MBD5: variants seen among roughly 807,000 people sequenced by gnomAD.
MBD5 encodes methyl-CpG-binding domain protein 5.
A neutral mutation model predicts 117.3 loss-of-function variants in MBD5; 13 were observed. The ratio of observed to expected loss-of-function variants is 0.11; its 90% confidence interval spans 0.07 to 0.18. The LOEUF (loss-of-function observed/expected upper bound fraction) is 0.18, where lower values mean the gene tolerates loss of function less well. Among genes scored for constraint, MBD5 ranks in the 10% least tolerant of loss-of-function variants. MBD5 has a pLI of 1.00. For missense variants in MBD5, 1,879 were observed against 2,093.8 expected, an observed-to-expected ratio of 0.90 and a Z score of 2.00; for synonymous variants, 727 against 766.4, an observed-to-expected ratio of 0.95 and a Z score of 0.85.
chr2:148,473,632 T>A (rs1173997862), intron 8 of MBD5, among the ~76,000 whole-genome samples: 1 of 152,156 alleles, frequency 6.6e-6, no homozygotes, highest in East Asian at 1.9e-4. Flanking sequence ...TTAAGGAGAG[T>A]CTTCCTATGC....
intron 11 of MBD5, among the ~76,000 whole-genome samples, chr2:148,499,466 G>T (rs907039281): frequency 6.6e-6 from 1 of 152,186 alleles, no homozygotes; most frequent in Non-Finnish European, 1.5e-5. Flanking sequence ...GAAACTGTGT[G>T]GGTAGATGAT....
chr2:148,105,450 CT>C (rs1444762310), intron 1 of MBD5, among the ~76,000 whole-genome samples: 1 of 152,042 alleles, frequency 6.6e-6, no homozygotes, highest in African/African-American at 2.4e-5. Flanking sequence ...AACTCCTGAC[CT>C]CAAGTAATCT....
chr2:148,345,762 A>T (rs1342278880), intron 4 of MBD5, among the ~76,000 whole-genome samples: 1 of 151,388 alleles, frequency 6.6e-6, no homozygotes, highest in Non-Finnish European at 1.5e-5. Flanking sequence ...ACAAGGTCCC[A>T]CAGTAGGCTG....
At chr2:148,423,745 C>T (rs866864518) in intron 4 of MBD5, among the ~76,000 whole-genome samples, 2 of 152,136 alleles carry the variant, frequency 1.3e-5, no homozygotes, top group Non-Finnish European at 2.9e-5. Context: ...AATTAAAAGA[C>T]ACAGACTGGC....
At chr2:148,255,342 G>A (rs529938922) in intron 3 of MBD5, among the ~76,000 whole-genome samples, 38 of 152,262 alleles carry the variant, frequency 2.5e-4, no homozygotes, top group African/African-American at 8.7e-4. Flanking sequence ...TAGGCCACAC[G>A]GACAGTACAT....
chr2:148,292,822 A>G (rs1020435182), intron 3 of MBD5, among the ~76,000 whole-genome samples: 7 of 152,138 alleles, frequency 4.6e-5, no homozygotes, highest in African/African-American at 1.7e-4. Flanking sequence ...GAGCAAGCTA[A>G]GTGTTCATCA....
At chr2:148,385,798 A>C (rs1490197604) in intron 4 of MBD5, among the ~76,000 whole-genome samples, 1 of 151,728 alleles carries the variant, frequency 6.6e-6, no homozygotes, top group East Asian at 1.9e-4. Flanking sequence ...GGATGAGTTC[A>C]TGTCCTTAGT....
chr2:148,266,860 A>G (rs1700872319), intron 3 of MBD5, among the ~76,000 whole-genome samples: 1 of 152,066 alleles, frequency 6.6e-6, no homozygotes, highest in Non-Finnish European at 1.5e-5. Context: ...ATAAAACGCA[A>G]ATTTCTTCCA....
At chr2:148,276,216 G>C (rs541697803) in intron 3 of MBD5, among the ~76,000 whole-genome samples, 1 of 151,984 alleles carries the variant, frequency 6.6e-6, no homozygotes, top group Admixed American at 6.6e-5. Flanking sequence ...GCTACTTGGG[G>C]GGCTGAGGCA....
chr2:148,316,483 C>A (rs1210871009), intron 3 of MBD5, among the ~76,000 whole-genome samples: 2 of 151,956 alleles, frequency 1.3e-5, no homozygotes, highest in African/African-American at 4.8e-5. Flanking sequence ...AGCTTGCTAC[C>A]AAATCAGTGG....
intron 1 of MBD5, among the ~76,000 whole-genome samples, chr2:148,074,990 G>A (rs1695467768): frequency 6.6e-6 from 1 of 152,136 alleles, no homozygotes; most frequent in African/African-American, 2.4e-5. Context: ...TTAAGACAGA[G>A]GTGTCAAAAA....
chr2:148,176,584 T>C (rs1389121495), intron 1 of MBD5, among the ~76,000 whole-genome samples: 2 of 151,910 alleles, frequency 1.3e-5, no homozygotes, highest in Non-Finnish European at 2.9e-5. Context: ...AATTTTTGTA[T>C]TTTTAGTAGA....
At chr2:148,435,190 A>G (rs1706119097) in intron 4 of MBD5, among the ~76,000 whole-genome samples, 1 of 152,154 alleles carries the variant, frequency 6.6e-6, no homozygotes, top group Non-Finnish European at 1.5e-5. Flanking sequence ...AAGACAGCAT[A>G]CATTTGAGTC....
intron 7 of MBD5, 67 bp from the exon 8 acceptor site, chr2:148,468,274 T>A (rs1033091177): frequency 2.9e-6 from 4 of 1,370,662 alleles, no homozygotes; most frequent in Middle Eastern, 1.9e-4. Flanking sequence ...CCTCCATTCC[T>A]TCCCTCCCTC....
chr2:148,381,104 C>G (rs1704128655), intron 4 of MBD5, among the ~76,000 whole-genome samples: 2 of 152,130 alleles, frequency 1.3e-5, no homozygotes, highest in East Asian at 3.9e-4. Flanking sequence ...AGCAACGGAA[C>G]AAAGCTGGAC....
At chr2:148,062,430 A>T (rs1286909657) in intron 1 of MBD5, 1 of 151,914 alleles carries the variant, frequency 6.6e-6, no homozygotes, top group East Asian at 1.9e-4. Context: ...AAGTTGCATA[A>T]CCTGCTTTTA....
At chr2:148,061,212 C>T (rs554673262) in intron 1 of MBD5, among the ~76,000 whole-genome samples, 5 of 152,028 alleles carry the variant, frequency 3.3e-5, no homozygotes, top group East Asian at 3.9e-4. Flanking sequence ...CTTTGCTGTT[C>T]GTGATGTTAA....
In MBD5 at chr2:148,079,028, A is replaced by G. The variant is rs137963809; in HGVS notation, c.-925+57344A>G. 4.0e-3 allele frequency among the ~76,000 whole-genome samples: 605 copies of G among 152,302 alleles called. 3 individuals are homozygous for G. The highest frequency in any genetic ancestry group is 0.01 in the Middle Eastern group (3 of 294). The stretch of plus-strand genomic sequence containing the variant: ...TTTAATATTGTTCACTCATCTCCCT[A>G]TGGTAGTGATCTTCTTGATGCATAG... On this transcript the variant is annotated intron_variant, in intron 1 of 13. Coordinates refer to ENST00000642680, the MANE Select transcript of MBD5 (RefSeq NM_001378120.1).
chr2:148,026,147 C>T (rs1286015391), intron 1 of MBD5: 1 of 152,100 alleles, frequency 6.6e-6, no homozygotes, highest in Non-Finnish European at 1.5e-5. Flanking sequence ...CTTTCACGTT[C>T]ATTCTTAACT....
Sources: gnomAD v4.1 joint callset for allele counts (sites outside exome capture counted in the v4.1 genomes callset) on GRCh38, gnomAD v4.1.1 for gene constraint, MANE v1.5 for transcripts, NCBI Gene and HGNC (gene_info 2026-07-23, HGNC 2026-07-21) for gene names.